Variants in HMMR observed in about 807,000 individuals in gnomAD.
HMMR encodes the protein hyaluronan mediated motility receptor, also known as intracellular hyaluronic acid-binding protein.
In HMMR, 108 loss-of-function variants were observed where a neutral mutation model predicts 101.0. That is an observed-to-expected ratio of 1.07 (90% CI 0.92 to 1.25). The LOEUF (loss-of-function observed/expected upper bound fraction) is 1.25. Among genes scored for constraint, HMMR ranks in the 50% most tolerant of loss-of-function variants. The pLI is 0.00. For missense variants in HMMR, 813 were observed against 788.7 expected (o/e 1.03, Z -0.37); for synonymous variants, 296 against 276.4 (o/e 1.07, Z -0.70).
At chr5:163,461,496 T>C (rs1758531617) in intron 1 of HMMR, among the ~76,000 whole-genome samples, 1 of 152,086 alleles carries the variant, frequency 6.6e-6, no homozygotes, top group Non-Finnish European at 1.5e-5. Context: ...GCACTCATCA[T>C]TTAAGATGCT....
At chr5:163,461,381 A>G (rs929340248) in intron 1 of HMMR, among the ~76,000 whole-genome samples, 1 of 152,196 alleles carries the variant, frequency 6.6e-6, no homozygotes, top group South Asian at 2.1e-4. Context: ...TCAGTGCTAC[A>G]TTACCAAAGT....
intron 7 of HMMR, among the ~76,000 whole-genome samples, chr5:163,472,928 T>C: frequency 6.6e-6 from 1 of 152,190 alleles, no homozygotes; most frequent in East Asian, 1.9e-4. Context: ...CTTGGGATAC[T>C]GTAATGATGG....
rs376665983 is a variant in HMMR, at chr5:163,471,422, C to G, written c.609C>G (p.Leu203=). The change falls in exon 7 of 18, where the codon CTC becomes CTG. Residue 203 remains leucine, a synonymous_variant. Transcript: ENST00000393915. The part of the protein sequence containing the change: ...EMKLQVTQRS[L]EESQGKIAQL... ...AGCTGCAGGTCACCCAAAGGAGTCT[C>G]GAAGAGTCTCAAGGGAAAATAGCCC... 1.9e-4 allele frequency: 313 copies of G among 1,613,752 alleles called. No individual in the cohort carries two copies. The highest frequency in any genetic ancestry group is 2.5e-4 in the Non-Finnish European group (299 of 1,179,948).
At chr5:163,485,763 A>C (rs2113515491) in intron 16 of HMMR, among the ~76,000 whole-genome samples, 1 of 152,254 alleles carries the variant, frequency 6.6e-6, no homozygotes, top group Non-Finnish European at 1.5e-5. Flanking sequence ...TTTTCTTCTA[A>C]GAGATTTATA....
chr5:163,462,241 T>C (rs1337429025), intron 1 of HMMR, among the ~76,000 whole-genome samples: 1 of 152,086 alleles, frequency 6.6e-6, no homozygotes, highest in Non-Finnish European at 1.5e-5. Context: ...ATATAGTATT[T>C]CAGGCTCACA....
intron 7 of HMMR, among the ~76,000 whole-genome samples, chr5:163,472,057 T>A (rs57806084): frequency 3.2e-5 from 4 of 126,282 alleles, no homozygotes; most frequent in African/African-American, 1.1e-4. Context: ...ATTATTTATT[T>A]TTTTTTTTAG....
At chr5:163,473,304 C>G (rs1758956190) in intron 8 of HMMR, 51 bp downstream of exon 8, 2 of 1,472,810 alleles carry the variant, frequency 1.4e-6, no homozygotes, top group South Asian at 2.4e-5. Flanking sequence ...AATACTCAGT[C>G]ATTTTCATCA....
chr5:163,463,595 G>A (rs1758606890), intron 1 of HMMR, among the ~76,000 whole-genome samples: 1 of 152,186 alleles, frequency 6.6e-6, no homozygotes, highest in African/African-American at 2.4e-5. Flanking sequence ...TATATTGCCT[G>A]TAATATATGA....
At chr5:163,483,691 T>C (rs1236610461) in intron 15 of HMMR, among the ~76,000 whole-genome samples, 3 of 152,166 alleles carry the variant, frequency 2.0e-5, no homozygotes, top group Non-Finnish European at 2.9e-5. Context: ...AATTAACCTA[T>C]TTTAATTTGT....
chr5:163,463,873 G>A lies in HMMR; in HGVS notation c.64G>A (p.Gly22Ser). ...NDPSGCAPSP[G>S]AYDVKTLEVL... ...TCCTCTAGGTTGTGCACCATCTCCA[G>A]GTGCTTATGATGTTAAAACTTTAGA... Residue 22 changes from glycine (G) to serine (S), a missense_variant, in exon 2 of 18, where the codon GGT becomes AGT. Coordinates refer to ENST00000393915, the MANE Select transcript of HMMR (RefSeq NM_001142556.2). 2 of 1,467,376 alleles carry A rather than the reference G, an allele frequency of 1.4e-6. No individual in the cohort carries two copies. Among genetic ancestry groups the A allele is most frequent in the South Asian group, 2.8e-5 (2 of 71,068 alleles). The allele number at this position is 1,467,376 out of a possible 1,614,324, so 90.9% of individuals were successfully genotyped here.
At chr5:163,480,996 A>G (rs1255460466) in intron 12 of HMMR, among the ~76,000 whole-genome samples, 2 of 152,024 alleles carry the variant, frequency 1.3e-5, no homozygotes, top group Non-Finnish European at 2.9e-5. Context: ...ACTTCTTTCT[A>G]TCTCAAGGTG....
chr5:163,461,413 C>T (rs933958563), intron 1 of HMMR, among the ~76,000 whole-genome samples: 5 of 152,128 alleles, frequency 3.3e-5, no homozygotes, highest in African/African-American at 1.2e-4. Flanking sequence ...AATATGAACC[C>T]AGCCCCCATC....
chr5:163,490,415 T>C lies in HMMR; in HGVS notation c.1988T>C (p.Leu663Pro). The change falls in exon 17 of 18, where the codon CTT (leucine) becomes CCT (proline). Residue 663 changes from leucine (L) to proline (P), a missense_variant. Transcript: ENST00000393915. ...GAAGTATCAAAACTCCGCTGTCAGC[T>C]TGCTAAAAAAAAACAAAGTGAGACA... ...KSEVSKLRCQ[L>P]AKKKQSETKL... 6.3e-7 allele frequency: 1 copy of C among 1,587,684 alleles called. No homozygotes were observed. Among genetic ancestry groups the C allele is most frequent in the South Asian group, 1.2e-5 (1 of 86,306 alleles).
At position 163,482,731 on chromosome 5, in the gene HMMR, C is replaced by G; in HGVS notation, c.1475C>G (p.Ala492Gly). 1.2e-6 allele frequency: 2 copies of G among 1,613,628 alleles called. No individual in the cohort carries two copies. Among genetic ancestry groups the G allele is most frequent in the Non-Finnish European group, 1.7e-6 (2 of 1,179,648 alleles). Residue 492 changes from alanine (A) to glycine (G), a missense_variant, in exon 13 of 18, where the codon GCA becomes GGA. Physicochemically the swap from Ala to Gly is moderately conservative, Grantham distance 60 (BLOSUM62 0). Coordinates refer to ENST00000393915, the MANE Select transcript of HMMR (RefSeq NM_001142556.2). ...QEKAAKAGKN[A>G]EDVQHQILAT... ...AAAGCGGCCAAGGCTGGGAAAAATG[C>G]AGAGGATGTTCAGCATCAGATTTTG...
At chr5:163,475,885 TAAGTTAA>T in intron 11 of HMMR, among the ~76,000 whole-genome samples, 1 of 152,320 alleles carries the variant, frequency 6.6e-6, no homozygotes, top group African/African-American at 2.4e-5. Context: ...CCCCCTCTTT[TAAGTTAA>T]AAGTTAAAGG....
chr5:163,465,056 T>G (rs892667797), intron 3 of HMMR: 1 of 393,484 alleles, frequency 2.5e-6, no homozygotes, highest in African/African-American at 2.1e-5. Context: ...AATTGTTCAT[T>G]ACCTAGTAAA....
In HMMR at chr5:163,484,075, C is replaced by G; in HGVS notation, c.1792C>G (p.Leu598Val). Residue 598 changes from leucine (L) to valine (V), a missense_variant, in exon 16 of 18, where the codon CTA (leucine) becomes GTA (valine). Transcript: ENST00000393915. ...TTTAAAAAATCTTTTTCAGCTACAA[C>G]TAGATGCTTTTGAAGTAGAAAAACA... ...YNKTKPFQLQ[L>V]DAFEVEKQAL... 2 of 1,582,718 alleles carry G rather than the reference C, an allele frequency of 1.3e-6. No individual in the cohort carries two copies. The highest frequency in any genetic ancestry group is 2.3e-5 in the South Asian group (2 of 85,782).
intron 12 of HMMR, among the ~76,000 whole-genome samples, chr5:163,482,033 A>G (rs1170885158): frequency 6.6e-6 from 1 of 152,170 alleles, no homozygotes; most frequent in African/African-American, 2.4e-5. Flanking sequence ...CTCCTGCCTC[A>G]GCCTCCCGAG....
chr5:163,490,582 C>T, intron 17 of HMMR, 30 bp downstream of exon 17: 1 of 1,520,172 alleles, frequency 6.6e-7, no homozygotes, highest in Non-Finnish European at 8.9e-7. Context: ...ATAAAAGTGT[C>T]CTCTTCCTTT....
Sources: gnomAD v4.1 joint callset for allele counts (sites outside exome capture counted in the v4.1 genomes callset) on GRCh38, gnomAD v4.1.1 for gene constraint, MANE v1.5 for transcripts, NCBI Gene and HGNC (gene_info 2026-07-23, HGNC 2026-07-21) for gene names.